Variants in BMP7 observed in about 807,000 individuals in gnomAD.
BMP7 encodes the protein osteogenic protein 1.
A neutral mutation model predicts 41.2 loss-of-function variants in BMP7; 12 were observed. The ratio of observed to expected loss-of-function variants is 0.29; its 90% CI spans 0.19 to 0.47. The LOEUF is 0.47. Among genes scored for constraint, BMP7 ranks in the 20% least tolerant of loss-of-function variants. The pLI, the probability that BMP7 is intolerant of heterozygous loss-of-function variation, is 0.99. For missense variants in BMP7, 467 were observed against 606.0 expected (o/e 0.77, Z 2.41); for synonymous variants, 248 against 250.0 (o/e 0.99, Z 0.07).
chr20:57,190,777 G>T (rs1240611371), intron 3 of BMP7, among the ~76,000 whole-genome samples: 2 of 152,170 alleles, frequency 1.3e-5, no homozygotes, highest in Non-Finnish European at 2.9e-5. Context: ...AACAACTTAG[G>T]GGAAGGATGG....
chr20:57,205,371 G>A (rs1333044653), intron 2 of BMP7, among the ~76,000 whole-genome samples: 1 of 152,162 alleles, frequency 6.6e-6, no homozygotes, highest in African/African-American at 2.4e-5. Flanking sequence ...TGGCTTCGGG[G>A]ATGTCTACAC....
At position 57,171,654 on chromosome 20, in the gene BMP7, AT is replaced by A. The variant is rs2123054776; in HGVS notation, c.1147-547del. Among the ~76,000 whole-genome samples the A allele has an allele frequency of 6.6e-6, 1 of 152,304 alleles. No homozygotes were observed. Among genetic ancestry groups the A allele is most frequent in the African/African-American group, 2.4e-5 (1 of 41,572 alleles). On this transcript the variant is annotated intron_variant, in intron 6 of 6. Coordinates refer to ENST00000395863, the MANE Select transcript of BMP7 (RefSeq NM_001719.3). This position sits in a 1 kb window ranked among gnomAD's most constrained non-coding sequence, Gnocchi z 4.5. ...CCTAAGCTGACGGCAGCCAACCAAG[AT>A]CAGTGTTAGCAGATCTGCCACGTGT...
chr20:57,245,497 G>A (rs2066086610), intron 1 of BMP7, among the ~76,000 whole-genome samples: 1 of 148,870 alleles, frequency 6.7e-6, no homozygotes, highest in South Asian at 2.2e-4. Context: ...CAGGCATGAG[G>A]CACCCTACGG....
intron 4 of BMP7, among the ~76,000 whole-genome samples, chr20:57,176,193 C>A (rs1458418111): frequency 6.6e-6 from 1 of 152,144 alleles, no homozygotes; most frequent in Non-Finnish European, 1.5e-5. Flanking sequence ...TGCCCAGGAG[C>A]AAAAAATAAT....
chr20:57,205,972 G>C (rs558542158), intron 2 of BMP7, among the ~76,000 whole-genome samples: 2 of 152,280 alleles, frequency 1.3e-5, no homozygotes, highest in East Asian at 3.9e-4. Flanking sequence ...ATGCTAACAC[G>C]GGCTTTGCTT....
chr20:57,232,171 C>T (rs1290531679), intron 1 of BMP7, among the ~76,000 whole-genome samples: 4 of 152,196 alleles, frequency 2.6e-5, no homozygotes, highest in Non-Finnish European at 4.4e-5. Flanking sequence ...GCTGTGTGAC[C>T]TTCCCCAATC....
chr20:57,225,679 C>A (rs879793546), intron 2 of BMP7, among the ~76,000 whole-genome samples: 4 of 152,132 alleles, frequency 2.6e-5, no homozygotes, highest in African/African-American at 9.7e-5. Flanking sequence ...AACAAAACAA[C>A]CTGTCCAGAA....
intron 3 of BMP7, among the ~76,000 whole-genome samples, chr20:57,195,129 AGCC>A (rs1984462458): frequency 6.6e-6 from 1 of 152,222 alleles, no homozygotes; most frequent in Non-Finnish European, 1.5e-5. Context: ...CGGCATGGCC[AGCC>A]CGAGGAACCC....
chr20:57,249,380 A>AACACTGGGAGAG (rs1371842518), intron 1 of BMP7, among the ~76,000 whole-genome samples: 1 of 152,104 alleles, frequency 6.6e-6, no homozygotes, highest in African/African-American at 2.4e-5. Flanking sequence ...GATCTGCTGC[A>AACACTGGGAGAG]ACACTGGGAG....
intron 2 of BMP7, among the ~76,000 whole-genome samples, chr20:57,221,295 C>T (rs909048374): frequency 6.6e-6 from 1 of 152,208 alleles, no homozygotes; most frequent in African/African-American, 2.4e-5. Context: ...CTACACACTA[C>T]TGGGACAGGC....
intron 2 of BMP7, among the ~76,000 whole-genome samples, chr20:57,216,655 A>G (rs1396646088): frequency 6.6e-6 from 1 of 151,864 alleles, no homozygotes; most frequent in African/African-American, 2.4e-5. Context: ...GGAATTCTCC[A>G]TAGACCTTGA....
intron 1 of BMP7, among the ~76,000 whole-genome samples, chr20:57,263,955 T>C (rs2066163583): frequency 6.6e-6 from 1 of 152,108 alleles, no homozygotes; most frequent in African/African-American, 2.4e-5. Flanking sequence ...GAGGACACGA[T>C]GATATACAAG....
intron 2 of BMP7, among the ~76,000 whole-genome samples, chr20:57,221,039 C>T (rs1468946454): frequency 1.3e-5 from 2 of 152,314 alleles, no homozygotes; most frequent in Admixed American, 6.5e-5. Context: ...TTCATCCTTT[C>T]GTGCATTTGG....
At chr20:57,242,319 G>C (rs1229920978) in intron 1 of BMP7, among the ~76,000 whole-genome samples, 1 of 152,202 alleles carries the variant, frequency 6.6e-6, no homozygotes, top group African/African-American at 2.4e-5. Flanking sequence ...AATGTGACTA[G>C]TGCTGAGTTG....
At chr20:57,187,290 T>C (rs1243349388) in intron 3 of BMP7, 2 of 152,206 alleles carry the variant, frequency 1.3e-5, no homozygotes, top group East Asian at 1.9e-4. Flanking sequence ...ATCTGTAAAA[T>C]GGGGATGATG....
intron 1 of BMP7, among the ~76,000 whole-genome samples, chr20:57,236,976 T>A (rs1296691701): frequency 6.6e-6 from 1 of 152,042 alleles, no homozygotes. Flanking sequence ...TCAGAAAAAA[T>A]TTGGTTAACC....
rs1984969822 is a variant in BMP7, at chr20:57,214,611, G to A, written c.612-11988C>T. ...CTCACACATGCTGTTTCCGCTGCCT[G>A]CAACACTGTTCCCTGCCTTTTCACC... On this transcript the variant is annotated intron_variant, in intron 2 of 6. Transcript: ENST00000395863. The surrounding 1 kb of genome is among the most constrained non-coding windows in gnomAD (Gnocchi z 4.0). 6.6e-6 allele frequency among the ~76,000 whole-genome samples: 1 copy of A among 152,014 alleles called. No individual in the cohort carries two copies. Among genetic ancestry groups the A allele is most frequent in the Non-Finnish European group, 1.5e-5 (1 of 68,012 alleles).
intron 1 of BMP7, among the ~76,000 whole-genome samples, chr20:57,248,683 T>A (rs1257235303): frequency 2.6e-5 from 4 of 152,342 alleles, no homozygotes; most frequent in Middle Eastern, 3.4e-3. Context: ...CGTGAACTCA[T>A]CTCCCTGAAG....
intron 1 of BMP7, among the ~76,000 whole-genome samples, chr20:57,251,457 G>C (rs542856514): frequency 6.6e-6 from 1 of 152,200 alleles, no homozygotes; most frequent in Non-Finnish European, 1.5e-5. Context: ...CCCTGTGTTC[G>C]ACATCACCCT....
Sources: gnomAD v4.1 joint callset for allele counts (sites outside exome capture counted in the v4.1 genomes callset) on GRCh38, gnomAD v4.1.1 for gene constraint, Gnocchi (gnomAD v3.1) non-coding constraint, MANE v1.5 for transcripts, NCBI Gene and HGNC (gene_info 2026-07-23, HGNC 2026-07-21) for gene names.